The following PDE11A variants were observed in gnomAD, a reference collection of about 807,000 sequenced individuals.
The protein encoded by PDE11A is phosphodiesterase 11A.
PDE11A carries 100 observed loss-of-function variants against 100.5 expected under a neutral mutation model. That is an observed-to-expected ratio of 1.00 (90% CI 0.85 to 1.18). The LOEUF (loss-of-function observed/expected upper bound fraction) is 1.18, where lower values mean the gene tolerates loss of function less well. Among genes scored for constraint, PDE11A ranks in the 50% most tolerant of loss-of-function variants. The pLI is 0.00. For synonymous variants in PDE11A, 381 were observed against 420.8 expected, an observed-to-expected ratio of 0.91 and a Z score of 1.16; for missense variants, 1,141 against 1,152.6, an observed-to-expected ratio of 0.99 and a Z score of 0.15.
At chr2:178,097,797 A>G (rs2087514039) in intron 2 of PDE11A, among the ~76,000 whole-genome samples, 1 of 152,254 alleles carries the variant, frequency 6.6e-6, no homozygotes, top group Non-Finnish European at 1.5e-5. Context: ...AATGACAGAT[A>G]CAGAAGATAC....
chr2:177,707,370 G>C (rs1442942179), intron 13 of PDE11A, among the ~76,000 whole-genome samples: 2 of 152,136 alleles, frequency 1.3e-5, no homozygotes, highest in Non-Finnish European at 2.9e-5. Context: ...TAAAAGGAAG[G>C]CTGATTGAAT....
intron 5 of PDE11A, among the ~76,000 whole-genome samples, chr2:177,851,426 C>A (rs896665662): frequency 1.3e-5 from 2 of 151,890 alleles, no homozygotes; most frequent in Admixed American, 6.6e-5. Flanking sequence ...AGGAGATATA[C>A]CTAATGCTAA....
chr2:177,997,360 T>A, intron 2 of PDE11A: 1 of 851,590 alleles, frequency 1.2e-6, no homozygotes, highest in East Asian at 2.4e-5. Flanking sequence ...CTGCTGAAGA[T>A]TTCTGGGGTG....
At chr2:177,853,756 C>CTA (rs1558974205) in intron 5 of PDE11A, among the ~76,000 whole-genome samples, 1 of 18,418 alleles carries the variant, frequency 5.4e-5, no homozygotes, top group Non-Finnish European at 1.5e-4. Context: ...GTATATATAT[C>CTA]TATATATGTA....
At chr2:177,841,245 G>A (rs772638123) in intron 5 of PDE11A, among the ~76,000 whole-genome samples, 13 of 152,084 alleles carry the variant, frequency 8.5e-5, no homozygotes, top group Non-Finnish European at 1.2e-4. Flanking sequence ...GCCAGGAGCC[G>A]TGGAGATACA....
At chr2:177,742,453 C>T (rs2081886892) in intron 10 of PDE11A, among the ~76,000 whole-genome samples, 1 of 152,150 alleles carries the variant, frequency 6.6e-6, no homozygotes. Flanking sequence ...TACATTTTGT[C>T]CTTTTCTCTC....
intron 11 of PDE11A, 49 bp from the exon 12 acceptor site, chr2:177,727,814 T>G (rs2081622277): frequency 6.1e-6 from 7 of 1,144,866 alleles, no homozygotes; most frequent in Non-Finnish European, 9.3e-6. Flanking sequence ...GTGATTCTAG[T>G]GGACCCTTAT....
At chr2:178,021,045 A>G (rs2086405167) in intron 1 of PDE11A, among the ~76,000 whole-genome samples, 1 of 149,270 alleles carries the variant, frequency 6.7e-6, no homozygotes, top group Non-Finnish European at 1.5e-5. Flanking sequence ...CACTGCAACC[A>G]CCACCTCCCA....
At chr2:177,638,707 G>A (rs2080091652) in intron 19 of PDE11A, among the ~76,000 whole-genome samples, 1 of 152,286 alleles carries the variant, frequency 6.6e-6, no homozygotes, top group African/African-American at 2.4e-5. Flanking sequence ...CGCAAGCTGG[G>A]TCCAAAGCAG....
chr2:177,783,113 C>T (rs1035466080), intron 9 of PDE11A, among the ~76,000 whole-genome samples: 2 of 152,114 alleles, frequency 1.3e-5, no homozygotes, highest in East Asian at 3.8e-4. Context: ...TTTTCCCCCT[C>T]CCTATATTCA....
At chr2:178,096,169 C>CTTTTCTTTTTTTTTTTTTTTT (rs763493838) in intron 2 of PDE11A, among the ~76,000 whole-genome samples, 1 of 120,110 alleles carries the variant, frequency 8.3e-6, no homozygotes, top group Non-Finnish European at 1.8e-5. Context: ...CTTTTCTTTT[C>CTTTTCTTTTTTTTTTTTTTTT]TTTTTTTTTT....
chr2:177,946,653 G>A (rs1270162587), intron 2 of PDE11A, among the ~76,000 whole-genome samples: 2 of 90,972 alleles, frequency 2.2e-5, no homozygotes, highest in African/African-American at 8.2e-5. Context: ...TCAGCCCCCC[G>A]CCCGGCCAGC....
Position 177,769,309 on chromosome 2 carries a change from A to C in PDE11A, c.1788+14T>G. ...AACTGTATGCACTAATAAGGAAACCATTTTCTTCCTTACCTTAAACTTGTC... is the reference window on the plus strand; with the variant it reads ...AACTGTATGCACTAATAAGGAAACCCTTTTCTTCCTTACCTTAAACTTGTC... On this transcript the variant is annotated intron_variant, in intron 10 of 19. Coordinates refer to ENST00000286063, the MANE Select transcript of PDE11A (RefSeq NM_016953.4). The C allele has an allele frequency of 6.5e-7, 1 of 1,541,154 alleles. No individual in the cohort carries two copies. Among genetic ancestry groups the C allele is most frequent in the Non-Finnish European group, 9.0e-7 (1 of 1,113,576 alleles).
intron 2 of PDE11A, among the ~76,000 whole-genome samples, chr2:177,910,414 CTCTCTCTCTCTCTCTA>C (rs1293352133): frequency 6.5e-5 from 1 of 15,306 alleles, no homozygotes; most frequent in Non-Finnish European, 1.8e-4. Context: ...CTCTCTCTGT[CTCTCTCTCTCTCTCTA>C]TATATATATA....
At chr2:178,096,330 ATTTT>A (rs35631942) in intron 2 of PDE11A, among the ~76,000 whole-genome samples, 2,160 of 137,530 alleles carry the variant, frequency 0.016, 52 homozygotes, top group African/African-American at 0.055. Flanking sequence ...AGCCCAGCTA[ATTTT>A]TTTTTTTTTT....
chr2:178,052,058 A>G (rs2086835607), intron 1 of PDE11A, among the ~76,000 whole-genome samples: 2 of 152,196 alleles, frequency 1.3e-5, no homozygotes, highest in Admixed American at 6.5e-5. Flanking sequence ...AACAGAATAT[A>G]CATTCTTTTC....
chr2:178,047,958 T>C (rs1055494745), intron 1 of PDE11A, among the ~76,000 whole-genome samples: 13 of 152,178 alleles, frequency 8.5e-5, no homozygotes, highest in African/African-American at 2.4e-4. Context: ...TGTCTTCAAC[T>C]GAAGGTGACT....
intron 1 of PDE11A, among the ~76,000 whole-genome samples, chr2:178,064,153 G>C (rs535380149): frequency 1.3e-5 from 2 of 152,264 alleles, no homozygotes; most frequent in Admixed American, 6.5e-5. Flanking sequence ...GCAGAACTGG[G>C]AATAGAACCA....
At chr2:177,832,262 A>T (rs2083322710) in intron 6 of PDE11A, among the ~76,000 whole-genome samples, 2 of 152,172 alleles carry the variant, frequency 1.3e-5, no homozygotes, top group Non-Finnish European at 2.9e-5. Flanking sequence ...AAGGAGATTA[A>T]CATTTGAGTC....
Sources: gnomAD v4.1 joint callset for allele counts (sites outside exome capture counted in the v4.1 genomes callset) on GRCh38, gnomAD v4.1.1 for gene constraint, MANE v1.5 for transcripts, NCBI Gene and HGNC (gene_info 2026-07-23, HGNC 2026-07-21) for gene names.